PAK3: variants seen among roughly 807,000 people sequenced by gnomAD.
PAK3 encodes the protein serine/threonine-protein kinase PAK 3.
Under a neutral mutation model 41.0 loss-of-function variants are expected in PAK3, and 4 were observed. That is an observed-to-expected ratio of 0.10 (90% CI 0.05 to 0.22). PAK3 has a LOEUF of 0.22. Ranked by LOEUF, PAK3 falls within the 10% of genes least tolerant of loss-of-function variation. The probability of loss-of-function intolerance (pLI) is 1.00; values close to 1 mark genes in which losing one functional copy is unlikely to be tolerated. For missense variants in PAK3, 205 were observed against 409.9 expected, an observed-to-expected ratio of 0.50 and a Z score of 4.32; for synonymous variants, 146 against 139.6, an observed-to-expected ratio of 1.05 and a Z score of -0.32.
At chrX:111,100,401 C>T (rs1222840137) in intron 3 of PAK3, among the ~76,000 whole-genome samples, 1 of 111,417 alleles carries the variant, frequency 9.0e-6, no homozygotes, top group East Asian at 2.8e-4. Flanking sequence ...ATTTTAAGAG[C>T]TCCCCATGCA....
chrX:111,175,002 C>A (rs151009068), intron 11 of PAK3, among the ~76,000 whole-genome samples: 2 of 111,613 alleles, frequency 1.8e-5, no homozygotes, highest in East Asian at 5.7e-4. Flanking sequence ...CCTATACCTT[C>A]CCAAGTCTAT....
chrX:111,007,567 T>G (rs946282256), intron 1 of PAK3, among the ~76,000 whole-genome samples: 2 of 111,169 alleles, frequency 1.8e-5, no homozygotes, highest in Admixed American at 1.9e-4. Flanking sequence ...CCAAGGAGGA[T>G]TCCCATTTCA....
chrX:110,980,898 G>T (rs2091437048), intron 1 of PAK3, among the ~76,000 whole-genome samples: 1 of 112,119 alleles, frequency 8.9e-6, no homozygotes, highest in Non-Finnish European at 1.9e-5. Context: ...AAACAAGGTA[G>T]GTCAGATCGT....
chrX:111,160,713 G>A lies in PAK3; in HGVS notation c.469-2202G>A, dbSNP rs777875585. On this transcript the variant is annotated intron_variant, in intron 8 of 17. Coordinates refer to ENST00000372007, the MANE Select transcript of PAK3 (RefSeq NM_002578.5). ...TTCCCACCTATGAGTGAGAACATGT[G>A]GTGTTTGGTTTTTTGTCCTTGTGAT... 3.6e-5 allele frequency among the ~76,000 whole-genome samples: 4 copies of A among 111,155 alleles called. No homozygotes were observed. The Admixed American group carries it at 3.8e-4, about 11-fold the overall frequency.
At chrX:111,189,651 T>C (rs1430429212) in intron 11 of PAK3, among the ~76,000 whole-genome samples, 1 of 112,160 alleles carries the variant, frequency 8.9e-6, no homozygotes, top group Non-Finnish European at 1.9e-5. Flanking sequence ...TTTGTGGTTT[T>C]GATTTGCATT....
chrX:111,138,955 G>A (rs1330665234), intron 5 of PAK3, among the ~76,000 whole-genome samples: 3 of 110,140 alleles, frequency 2.7e-5, no homozygotes, highest in Non-Finnish European at 3.8e-5. Flanking sequence ...GTGACAGAGC[G>A]AGACTCCACC....
At chrX:110,976,796 A>G (rs1357651459) in intron 1 of PAK3, among the ~76,000 whole-genome samples, 1 of 111,520 alleles carries the variant, frequency 9.0e-6, no homozygotes, top group Non-Finnish European at 1.9e-5. Context: ...GTATGAGTTC[A>G]TGTCCTTTTC....
In PAK3 at chrX:111,221,731, A is replaced by G. The variant is rs1260424438; in HGVS notation, c.*1284A>G. ...TATTTGGCTCTAAGTACCTCTTCCCATTTTTCCTATGTATCACCTATTTCT... is the reference window on the plus strand; with the variant it reads ...TATTTGGCTCTAAGTACCTCTTCCCGTTTTTCCTATGTATCACCTATTTCT... On this transcript the variant is annotated 3_prime_UTR_variant, in exon 18 of 18. Coordinates refer to ENST00000372007, the MANE Select transcript of PAK3 (RefSeq NM_002578.5). The G allele has an allele frequency of 2.7e-5, 3 of 111,213 alleles. No individual in the cohort carries two copies. The Admixed American group carries it at 2.9e-4, about 11-fold the overall frequency. The allele number at this position is 111,213 out of a possible 1,213,427, so 9.2% of individuals were successfully genotyped here. A position where few individuals can be genotyped will look rare whatever the true frequency, so the allele number is the denominator to read the frequency against.
chrX:110,962,224 G>C (rs1172414481), intron 1 of PAK3, among the ~76,000 whole-genome samples: 2 of 112,107 alleles, frequency 1.8e-5, no homozygotes, highest in East Asian at 2.8e-4. Flanking sequence ...CCTCAAAGCA[G>C]TGTGTCCCAA....
At chrX:110,973,919 C>G (rs1285081723) in intron 1 of PAK3, among the ~76,000 whole-genome samples, 1 of 111,726 alleles carries the variant, frequency 9.0e-6, no homozygotes, top group Non-Finnish European at 1.9e-5. Context: ...CAATCCTAGT[C>G]TCTGATAAAC....
At chrX:110,975,890 G>T (rs2091318114) in intron 1 of PAK3, among the ~76,000 whole-genome samples, 2 of 111,908 alleles carry the variant, frequency 1.8e-5, no homozygotes, top group African/African-American at 6.5e-5. Flanking sequence ...ATGGTGCTGG[G>T]AAAACTGGCT....
intron 3 of PAK3, among the ~76,000 whole-genome samples, chrX:111,101,521 G>A (rs1040136625): frequency 1.8e-5 from 2 of 111,929 alleles, no homozygotes; most frequent in South Asian, 3.8e-4. Context: ...ACAGGTTGGG[G>A]GTGTGTTCTC....
intron 1 of PAK3, among the ~76,000 whole-genome samples, chrX:111,042,421 C>T (rs746476383): frequency 8.9e-6 from 1 of 111,849 alleles, no homozygotes; most frequent in African/African-American, 3.3e-5. Flanking sequence ...AAATGTGAGG[C>T]CTCTTGCTGA....
intron 4 of PAK3, among the ~76,000 whole-genome samples, chrX:111,118,401 C>A (rs1003916138): frequency 2.7e-5 from 3 of 109,232 alleles, no homozygotes; most frequent in Non-Finnish European, 5.7e-5. Flanking sequence ...CAAGAAAGAG[C>A]CAGCAGTTGT....
chrX:111,014,145 A>C (rs1265452228), intron 1 of PAK3, among the ~76,000 whole-genome samples: 1 of 112,017 alleles, frequency 8.9e-6, no homozygotes, highest in African/African-American at 3.2e-5. Context: ...CCTACTTAGC[A>C]TCTTTTCCTC....
chrX:111,154,792 G>A (rs1474927250), intron 8 of PAK3, among the ~76,000 whole-genome samples: 8 of 111,254 alleles, frequency 7.2e-5, no homozygotes, highest in Non-Finnish European at 1.3e-4. Context: ...AGCCTTCCAT[G>A]ATCAACACAT....
At chrX:111,088,616 A>G (rs1164107295) in intron 1 of PAK3, among the ~76,000 whole-genome samples, 1 of 111,910 alleles carries the variant, frequency 8.9e-6, no homozygotes, top group Non-Finnish European at 1.9e-5. Flanking sequence ...TGGCTTGGTT[A>G]CCATTTGTTA....
chrX:111,078,436 T>TC (rs1330864221), intron 1 of PAK3, among the ~76,000 whole-genome samples: 1 of 111,049 alleles, frequency 9.0e-6, no homozygotes, highest in East Asian at 2.8e-4. Flanking sequence ...ATTATATTGA[T>TC]CTATGATCAG....
rs747204712 is a variant in PAK3, at chrX:110,984,267, C to T, written c.-28+39639C>T. ...TCTGACAACAGCGGAAGAGAGCCTGCTCCTACTTAAAACTGTACCAGTGCA... is the reference window on the plus strand; with the variant it reads ...TCTGACAACAGCGGAAGAGAGCCTGTTCCTACTTAAAACTGTACCAGTGCA... On this transcript the variant is annotated intron_variant, in intron 1 of 14. Coordinates refer to the PAK3 transcript ENST00000425146. Among the ~76,000 whole-genome samples, 3 of 112,257 alleles carry T rather than the reference C, an allele frequency of 2.7e-5. No homozygotes were observed. In the East Asian group the frequency reaches 8.4e-4, roughly 31 times the overall value.
Sources: allele counts gnomAD v4.1 joint callset (sites outside exome capture counted in the v4.1 genomes callset), GRCh38; gene constraint gnomAD v4.1.1; transcripts MANE v1.5; gene names NCBI Gene and HGNC (gene_info 2026-07-23, HGNC 2026-07-21).